Variants in PROS1 observed in about 807,000 individuals in gnomAD.
The protein encoded by PROS1 is vitamin K-dependent protein S.
A neutral mutation model predicts 75.9 loss-of-function variants in PROS1; 29 were observed. The ratio of observed to expected loss-of-function variants is 0.38; its 90% CI spans 0.28 to 0.52. The LOEUF (loss-of-function observed/expected upper bound fraction) is 0.52, where lower values mean the gene tolerates loss of function less well. Ranked by LOEUF, PROS1 falls within the 20% of genes least tolerant of loss-of-function variation. The pLI, the probability that PROS1 is intolerant of heterozygous loss-of-function variation, is 0.83. For missense variants in PROS1, 680 were observed against 810.3 expected (o/e 0.84, Z 1.95); for synonymous variants, 245 against 280.6 (o/e 0.87, Z 1.27).
chr3:93,897,855 A>T (rs1311668420), intron 8 of PROS1, among the ~76,000 whole-genome samples: 1 of 152,076 alleles, frequency 6.6e-6, no homozygotes, highest in Non-Finnish European at 1.5e-5. Flanking sequence ...TTCCTGGGTC[A>T]ATTATGCATT....
chr3:93,943,405 T>C (rs930875929), intron 1 of PROS1, among the ~76,000 whole-genome samples: 27 of 150,744 alleles, frequency 1.8e-4, no homozygotes, highest in African/African-American at 6.7e-4. Flanking sequence ...TTCTGTCTAG[T>C]TTCTCAATTC....
intron 3 of PROS1, among the ~76,000 whole-genome samples, chr3:93,914,536 G>A (rs144381775): frequency 0.012 from 1,838 of 152,266 alleles, 44 homozygotes; most frequent in African/African-American, 0.042. Context: ...TCCTGCAGGT[G>A]CCCCTCTGGA....
At chr3:93,913,573 G>A (rs1013373011) in intron 3 of PROS1, among the ~76,000 whole-genome samples, 8 of 152,158 alleles carry the variant, frequency 5.3e-5, no homozygotes, top group African/African-American at 1.7e-4. Context: ...TTAGCAACAT[G>A]AAAATGAACT....
chr3:93,932,731 A>G (rs1467056024), intron 1 of PROS1, among the ~76,000 whole-genome samples: 5 of 152,134 alleles, frequency 3.3e-5, no homozygotes, highest in Admixed American at 6.6e-5. Flanking sequence ...TGATTGACTT[A>G]CCTCCAAAAA....
At chr3:93,928,870 A>G in intron 1 of PROS1, 1 of 584,898 alleles carries the variant, frequency 1.7e-6, no homozygotes, top group Non-Finnish European at 2.6e-6. Flanking sequence ...AACATTATAA[A>G]GTGTTCAAAT....
intron 4 of PROS1, 139 bp from the exon 5 acceptor site, chr3:93,906,282 C>T (rs1044973959): frequency 2.1e-6 from 2 of 971,430 alleles, no homozygotes. Flanking sequence ...TAATACTTTT[C>T]CTAAATTAAA....
At chr3:93,882,806 A>G (rs1203538497) in intron 12 of PROS1, among the ~76,000 whole-genome samples, 1 of 152,094 alleles carries the variant, frequency 6.6e-6, no homozygotes, top group Non-Finnish European at 1.5e-5. Flanking sequence ...CTCTCTTAAT[A>G]TGGTCCTGAA....
At chr3:93,910,739 T>A in intron 3 of PROS1, 34 bp from the exon 4 acceptor site, 1 of 1,514,944 alleles carries the variant, frequency 6.6e-7, no homozygotes, top group Non-Finnish European at 9.1e-7. Flanking sequence ...CTTCTTAGAG[T>A]AGACACACAT....
intron 4 of PROS1, among the ~76,000 whole-genome samples, chr3:93,907,345 G>A (rs569814351): frequency 1.3e-5 from 2 of 152,222 alleles, no homozygotes; most frequent in South Asian, 4.1e-4. Flanking sequence ...CCTGTCTGTA[G>A]AGAAGAACCA....
intron 10 of PROS1, among the ~76,000 whole-genome samples, chr3:93,888,976 T>A (rs1187913099): frequency 6.6e-6 from 1 of 152,198 alleles, no homozygotes; most frequent in East Asian, 1.9e-4. Flanking sequence ...ATTTTCTAAC[T>A]ACTCTCCCCT....
intron 3 of PROS1, among the ~76,000 whole-genome samples, chr3:93,913,808 G>C (rs1013735241): frequency 1.2e-4 from 19 of 152,214 alleles, no homozygotes; most frequent in African/African-American, 4.3e-4. Context: ...ATCAGATATG[G>C]GTGAGACTCA....
intron 10 of PROS1, among the ~76,000 whole-genome samples, chr3:93,888,731 G>A (rs973617939): frequency 3.3e-5 from 5 of 152,018 alleles, no homozygotes; most frequent in Non-Finnish European, 7.4e-5. Flanking sequence ...CTCTCCGCTG[G>A]GTTATTCCAA....
intron 8 of PROS1, among the ~76,000 whole-genome samples, chr3:93,897,031 T>C (rs1287730014): frequency 6.6e-6 from 1 of 152,150 alleles, no homozygotes; most frequent in African/African-American, 2.4e-5. Flanking sequence ...AACAGTCAGG[T>C]ATATTATCTC....
chr3:93,959,874 C>T (rs1012235478), intron 1 of PROS1, among the ~76,000 whole-genome samples: 1 of 152,182 alleles, frequency 6.6e-6, no homozygotes, highest in African/African-American at 2.4e-5. Context: ...CGTTCTGCTA[C>T]ATTAATAGCC....
chr3:93,896,409 G>A (rs1708501845), intron 9 of PROS1, among the ~76,000 whole-genome samples, 167 bp downstream of exon 9: 1 of 152,166 alleles, frequency 6.6e-6, no homozygotes, highest in South Asian at 2.1e-4. Flanking sequence ...AATTACATGT[G>A]TGAAGGAGTA....
chr3:93,965,743 G>T (rs1197602085), intron 1 of PROS1, among the ~76,000 whole-genome samples: 1 of 152,088 alleles, frequency 6.6e-6, no homozygotes, highest in African/African-American at 2.4e-5. Context: ...CACCAAGGCT[G>T]GAGTGCAGTG....
intron 1 of PROS1, chr3:93,958,483 T>C (rs1245398583): frequency 6.6e-6 from 1 of 152,230 alleles, no homozygotes; most frequent in Non-Finnish European, 1.5e-5. Context: ...ATAGTCACTG[T>C]TGGTTTTGTA....
At chr3:93,944,872 G>A (rs147913050) in intron 1 of PROS1, among the ~76,000 whole-genome samples, 24 of 151,664 alleles carry the variant, frequency 1.6e-4, no homozygotes, top group African/African-American at 4.1e-4. Context: ...TCTAGGAGCT[G>A]GTTTTTTGAA....
chr3:93,942,530 G>T (rs1010232984), intron 1 of PROS1, among the ~76,000 whole-genome samples: 1 of 152,154 alleles, frequency 6.6e-6, no homozygotes, highest in Non-Finnish European at 1.5e-5. Flanking sequence ...AGCAGCTAGT[G>T]TTCCAACTTC....
Sources: allele counts gnomAD v4.1 joint callset (sites outside exome capture counted in the v4.1 genomes callset), GRCh38; gene constraint gnomAD v4.1.1; transcripts MANE v1.5; gene names NCBI Gene and HGNC (gene_info 2026-07-23, HGNC 2026-07-21).